Variants in TULP3 observed in about 807,000 individuals in gnomAD.
TULP3 encodes TUB like protein 3, also known as tubby-related protein 3.
A neutral mutation model predicts 50.7 loss-of-function variants in TULP3; 38 were observed. That is an observed-to-expected ratio of 0.75 (90% CI 0.58 to 0.98). The LOEUF is 0.98. Ranked by LOEUF, TULP3 falls within the 50% of genes least tolerant of loss-of-function variation. The probability of loss-of-function intolerance (pLI) is 0.00; values close to 1 mark genes in which losing one functional copy is unlikely to be tolerated. For missense variants in TULP3, 550 were observed against 568.0 expected (o/e 0.97, Z 0.32); for synonymous variants, 183 against 196.6 (o/e 0.93, Z 0.58).
At chr12:2,931,275 G>A in intron 6 of TULP3, 35 bp downstream of exon 6, 1 of 1,602,286 alleles carries the variant, frequency 6.2e-7, no homozygotes, top group Non-Finnish European at 8.5e-7. Flanking sequence ...ACTCTTGAGA[G>A]AGAGAAGAAT....
chr12:2,930,549 G>C (rs368068178), intron 5 of TULP3, among the ~76,000 whole-genome samples: 1 of 151,912 alleles, frequency 6.6e-6, no homozygotes, highest in Non-Finnish European at 1.5e-5. Flanking sequence ...TCAATCTCCC[G>C]AGTAGCTGGG....
At chr12:2,914,633 A>G (rs2098187565) in intron 2 of TULP3, among the ~76,000 whole-genome samples, 2 of 151,964 alleles carry the variant, frequency 1.3e-5, no homozygotes, top group African/African-American at 4.8e-5. Context: ...TTTCACTAGG[A>G]TACTCTTTCT....
intron 1 of TULP3, among the ~76,000 whole-genome samples, chr12:2,900,733 T>G (rs538577124): frequency 1.3e-5 from 2 of 152,120 alleles, no homozygotes; most frequent in South Asian, 4.2e-4. Context: ...TTTTATTTTT[T>G]GTTTTTTGAG....
intron 1 of TULP3, among the ~76,000 whole-genome samples, chr12:2,900,915 G>A (rs2153948020): frequency 7.3e-6 from 1 of 137,152 alleles, no homozygotes; most frequent in South Asian, 2.4e-4. Context: ...GTTTCACCAT[G>A]TTGCCCAGGC....
chr12:2,929,192 C>T (rs910416089), intron 4 of TULP3, among the ~76,000 whole-genome samples: 24 of 152,034 alleles, frequency 1.6e-4, no homozygotes, highest in Admixed American at 1.5e-3. Context: ...TGGCGCGCGC[C>T]TGTAGTCCCA....
chr12:2,935,329 C>G (rs2098200448), intron 8 of TULP3, among the ~76,000 whole-genome samples: 2 of 152,246 alleles, frequency 1.3e-5, no homozygotes, highest in African/African-American at 2.4e-5. Flanking sequence ...ATGTACTCCA[C>G]TAGATGTGGT....
At chr12:2,892,356 C>A (rs1209398789) in intron 1 of TULP3, among the ~76,000 whole-genome samples, 1 of 151,636 alleles carries the variant, frequency 6.6e-6, no homozygotes, top group Non-Finnish European at 1.5e-5. Flanking sequence ...TGGTTGAATT[C>A]CGAAAATATT....
At chr12:2,891,338 G>A (rs1193190980) in intron 1 of TULP3, among the ~76,000 whole-genome samples, 2 of 152,164 alleles carry the variant, frequency 1.3e-5, no homozygotes, top group Non-Finnish European at 2.9e-5. Context: ...CCACTGCCCG[G>A]CGGTGTCACA....
At chr12:2,912,876 A>G (rs893147272) in intron 2 of TULP3, among the ~76,000 whole-genome samples, 1 of 152,146 alleles carries the variant, frequency 6.6e-6, no homozygotes, top group African/African-American at 2.4e-5. Flanking sequence ...GGATATACCT[A>G]CCCAAGGAAG....
In TULP3 at chr12:2,940,055, G is replaced by T. The variant is rs2098203788; in HGVS notation, c.*611G>T. The T allele has an allele frequency of 7.8e-7, 1 of 1,289,086 alleles. No individual in the cohort carries two copies. The highest frequency in any genetic ancestry group is 1.0e-6 in the Non-Finnish European group (1 of 988,682). The allele number at this position is 1,289,086 out of a possible 1,614,324, so 79.9% of individuals were successfully genotyped here. ...CCGGCACCAATCTTAGTCAAGAGTG[G>T]CTGTGATCACATTTGTGATCAATTA... On this transcript the variant is annotated 3_prime_UTR_variant, in exon 11 of 11. Coordinates refer to ENST00000448120, the MANE Select transcript of TULP3 (RefSeq NM_003324.5).
rs2098204521 is a variant in TULP3 at position 2,941,049 on chromosome 12, A to G, written c.*1605A>G. The G allele has an allele frequency of 3.7e-6, 1 of 270,490 alleles. No individual in the cohort carries two copies. Among genetic ancestry groups the G allele is most frequent in the Admixed American group, 5.1e-5 (1 of 19,516 alleles). 16.8% of individuals were successfully genotyped at this position (270,490 alleles called of 1,614,324 possible). ...AAAGAGATATATAAACTAATTTCAC[A>G]TAATTTGTGTGTGCAGGTGATTGGT... is the stretch of plus-strand genomic sequence containing the variant. On this transcript the variant is annotated 3_prime_UTR_variant, in exon 11 of 11. Coordinates refer to ENST00000448120, the MANE Select transcript of TULP3 (RefSeq NM_003324.5).
intron 1 of TULP3, among the ~76,000 whole-genome samples, chr12:2,897,977 CTGAGGCA>C (rs902507857): frequency 2.0e-5 from 3 of 148,650 alleles, no homozygotes; most frequent in African/African-American, 7.5e-5. Context: ...ACTTGGGAGG[CTGAGGCA>C]TGAGAATCAC....
intron 1 of TULP3, among the ~76,000 whole-genome samples, chr12:2,903,730 T>C (rs955657007): frequency 1.3e-5 from 2 of 152,100 alleles, no homozygotes; most frequent in Admixed American, 6.6e-5. Flanking sequence ...TATTAGAGAA[T>C]CCCTCTATAC....
In TULP3 at chr12:2,939,351, C is replaced by T. The variant is rs769594003; in HGVS notation, c.1236C>T (p.Asp412=). The T allele has an allele frequency of 8.1e-6, 13 of 1,614,084 alleles. No homozygotes were observed. The highest frequency in any genetic ancestry group is 3.3e-5 in the South Asian group (3 of 91,092). The change falls in exon 11 of 11, where the codon GAC becomes GAT. Residue 412 remains aspartate (D), a synonymous_variant. Coordinates refer to ENST00000448120, the MANE Select transcript of TULP3 (RefSeq NM_003324.5). This position sits in a 1 kb window ranked among gnomAD's most constrained non-coding sequence, Gnocchi z 4.0. ...IVMQFGRVAD[D]VFTLDYNYPL... The stretch of plus-strand genomic sequence containing the variant: ...TGCAGTTTGGACGTGTGGCAGATGA[C>T]GTGTTCACACTGGATTACAACTACC...
Position 2,932,197 on chromosome 12 carries a change from T to A in TULP3, c.696+957T>A, listed in dbSNP as rs147751598. ...CTGGAGAGGCTTCCCTTTTGTCCCT[T>A]CTTGCCCTTTGCCTAATCAGAGTCT... On this transcript the variant is annotated intron_variant, in intron 6 of 10. Coordinates refer to ENST00000448120, the MANE Select transcript of TULP3 (RefSeq NM_003324.5). Among the ~76,000 whole-genome samples the A allele has an allele frequency of 7.8e-3, 1,194 of 152,276 alleles. 14 individuals are homozygous for A. Among genetic ancestry groups the A allele is most frequent in the African/African-American group, 0.027 (1,140 of 41,554 alleles).
chr12:2,939,942 G>C lies in TULP3; in HGVS notation c.*498G>C. On this transcript the variant is annotated 3_prime_UTR_variant, in exon 11 of 11. Transcript: ENST00000448120. This position sits in a 1 kb window ranked among gnomAD's most constrained non-coding sequence, Gnocchi z 4.0. Reference sequence around the variant, plus strand: ...ACATTGGGGTCTCCAAAGCTAGAATGGGATTTCATGTGCTTGGAAACTTGC... The same window carrying C: ...ACATTGGGGTCTCCAAAGCTAGAATCGGATTTCATGTGCTTGGAAACTTGC... 7.9e-7 allele frequency: 1 copy of C among 1,271,898 alleles called. No individual in the cohort carries two copies. Among genetic ancestry groups the C allele is most frequent in the Middle Eastern group, 2.3e-4 (1 of 4,406 alleles). The allele number at this position is 1,271,898 out of a possible 1,614,324, so 78.8% of individuals were successfully genotyped here. A position where few individuals can be genotyped will look rare whatever the true frequency, so the allele number is the denominator to read the frequency against.
At position 2,922,380 on chromosome 12, in the gene TULP3, T is replaced by C; in HGVS notation, c.372T>C (p.Leu124=). ...NTVDTASKPG[L]QERLQKHDIS... ...TGGATACTGCTTCCAAGCCAGGACT[T>C]CAGGAGCGTCTCCAAAAGCATGGTG... The change falls in exon 4 of 11, where the codon CTT becomes CTC. Residue 124 remains leucine (L), a synonymous_variant. Transcript: ENST00000448120. 1 of 1,613,596 alleles carries C rather than the reference T, an allele frequency of 6.2e-7. No individual in the cohort carries two copies.
At chr12:2,929,209 T>C (rs375247716) in intron 4 of TULP3, among the ~76,000 whole-genome samples, 156 of 149,270 alleles carry the variant, frequency 1.0e-3, no homozygotes, top group Middle Eastern at 7.2e-3. Context: ...CCCAGCTACT[T>C]GGGAGGCTGA....
At chr12:2,927,179 C>T (rs1181056021) in intron 4 of TULP3, among the ~76,000 whole-genome samples, 6 of 152,066 alleles carry the variant, frequency 3.9e-5, no homozygotes, top group Non-Finnish European at 7.4e-5. Context: ...TTCAGGGTTC[C>T]TTCATGTTAT....
Sources: allele counts gnomAD v4.1 joint callset (sites outside exome capture counted in the v4.1 genomes callset), GRCh38; gene constraint gnomAD v4.1.1; non-coding constraint Gnocchi (gnomAD v3.1); transcripts MANE v1.5; gene names NCBI Gene and HGNC (gene_info 2026-07-23, HGNC 2026-07-21).